Variants in INPPL1 observed in about 807,000 individuals in gnomAD.
The protein encoded by INPPL1 is inositol polyphosphate phosphatase like 1, also known as phosphatidylinositol 3,4,5-trisphosphate 5-phosphatase 2.
INPPL1 carries 91 observed loss-of-function variants against 139.3 expected under a neutral mutation model. That is an observed-to-expected ratio of 0.65 (90% CI 0.55 to 0.78). INPPL1 has a LOEUF of 0.78. INPPL1 is among the 30% of genes least tolerant of loss of function. The pLI is 0.00. For missense variants in INPPL1, 1,411 were observed against 1,665.6 expected (o/e 0.85, Z 2.66); for synonymous variants, 719 against 686.6 (o/e 1.05, Z -0.74).
chr11:72,232,294 T>C lies in INPPL1; in HGVS notation c.1670T>C (p.Phe557Ser). 1.3e-6 allele frequency: 2 copies of C among 1,555,650 alleles called. No homozygotes were observed. The highest frequency in any genetic ancestry group is 1.7e-6 in the Non-Finnish European group (2 of 1,148,894). Residue 557 changes from phenylalanine (F) to serine (S), a missense_variant, in exon 14 of 28, where the codon TTT (phenylalanine) becomes TCT (serine). By Grantham distance (155) the Phe-to-Ser change is radical (BLOSUM62 -2). Around this residue, in one of 5 missense-constraint regions of INPPL1, gnomAD observed 363 missense variants for 446.2 expected, o/e 0.81. Transcript: ENST00000298229. Reference protein sequence around the residue: ...SFMFNGTSFGFVNCHLTSGNE... With the variant: ...SFMFNGTSFGSVNCHLTSGNE... ...ATGTTTAATGGCACCTCATTTGGCT[T>C]TGTGAATTGTCACCTCACCTCGGGA... is the stretch of plus-strand genomic sequence containing the variant.
At chr11:72,231,438 AG>A in intron 12 of INPPL1, 59 bp from the exon 13 acceptor site, 1 of 1,296,992 alleles carries the variant, frequency 7.7e-7, no homozygotes. Context: ...TTTATAGTGC[AG>A]GGGGAAATGC....
Position 72,233,155 on chromosome 11 carries a change from C to G in INPPL1, c.2032C>G (p.Pro678Ala). 1 of 1,613,664 alleles carries G rather than the reference C, an allele frequency of 6.2e-7. No individual in the cohort carries two copies. The highest frequency in any genetic ancestry group is 2.2e-5 in the East Asian group (1 of 44,862). The change falls in exon 17 of 28, where the codon CCA becomes GCA. Residue 678 changes from proline (P) to alanine (A), a missense_variant. Transcript: ENST00000298229. ...CACATATGCCTGGCACAAGCAGAAG[C>G]CAACTGGGGTGAGCCAAGAAAACGG... ...RDTYAWHKQK[P>A]TGVRTNVPSW...
rs552988754 is a variant in INPPL1 at position 72,227,147 on chromosome 11, C to T, written c.183-1043C>T. 7.9e-5 allele frequency among the ~76,000 whole-genome samples: 12 copies of T among 152,330 alleles called. No homozygotes were observed. The East Asian group carries it at 1.5e-3, about 20-fold the overall frequency. On this transcript the variant is annotated intron_variant, in intron 1 of 27. Transcript: ENST00000298229. The stretch of plus-strand genomic sequence containing the variant: ...AGACACGCCCCTGCCCCAGCAGGCA[C>T]AGGCAATCTGACCAGCAAGCTAGGA...
Position 72,228,551 on chromosome 11 carries a change from GC to G in INPPL1, c.397+55del. 1 of 1,587,756 alleles carries G rather than the reference GC, an allele frequency of 6.3e-7. No homozygotes were observed. Among genetic ancestry groups the G allele is most frequent in the East Asian group, 2.2e-5 (1 of 44,674 alleles). ...CTGCCCCTGTCCCTTGGCTCTACCT[GC>G]CTCTTCCCATCCCCCCTTCTCAACC... On this transcript the variant is annotated intron_variant, in intron 3 of 27. Transcript: ENST00000298229. The surrounding 1 kb of genome is among the most constrained non-coding windows in gnomAD (Gnocchi z 5.0).
chr11:72,233,491 C>T lies in INPPL1; in HGVS notation c.2091C>T (p.Tyr697=), dbSNP rs1481462612. The part of the protein sequence containing the change: ...SWCDRILWKS[Y]PETHIICNSY... ...GTGACCGGATTCTGTGGAAATCCTA[C>T]CCTGAAACTCACATCATCTGCAATT... Residue 697 remains tyrosine, a synonymous_variant, in exon 18 of 28, where the codon TAC becomes TAT. Transcript: ENST00000298229. The T allele has an allele frequency of 1.2e-6, 2 of 1,614,032 alleles. No individual in the cohort carries two copies. The highest frequency in any genetic ancestry group is 1.7e-6 in the Non-Finnish European group (2 of 1,180,030).
Position 72,234,383 on chromosome 11 carries a change from C to T in INPPL1, c.2315C>T (p.Thr772Ile), listed in dbSNP as rs1349002555. Residue 772 changes from threonine to isoleucine, a missense_variant, in exon 20 of 28, where the codon ACC (threonine) becomes ATC (isoleucine). Transcript: ENST00000298229. The surrounding 1 kb of genome is among the most constrained non-coding windows in gnomAD (Gnocchi z 4.2). ...RTKFFIEFYS[T>I]CLEEYKKSFE... ...AAGTTCTTCATCGAGTTCTACTCTA[C>T]CTGCCTGGAGGGTCAGAGGCGTGGC... 1.9e-6 allele frequency: 3 copies of T among 1,613,998 alleles called. No homozygotes were observed. The highest frequency in any genetic ancestry group is 2.2e-5 in the East Asian group (1 of 44,868).
At position 72,232,656 on chromosome 11, in the gene INPPL1, G is replaced by T; in HGVS notation, c.1743G>T (p.Arg581=). ...RRNQNYLDIL[R]LLSLGDRQLN... ...ACCAAAACTACTTGGACATCCTGCG[G>T]CTGCTCTCGCTGGGCGACCGGCAGC... The change falls in exon 15 of 28, where the codon CGG becomes CGT. Residue 581 remains arginine (R), a synonymous_variant. Transcript: ENST00000298229. 1 of 1,613,860 alleles carries T rather than the reference G, an allele frequency of 6.2e-7. No homozygotes were observed.
At chr11:72,225,778 G>T (rs1948654348) in intron 1 of INPPL1, among the ~76,000 whole-genome samples, 1 of 152,174 alleles carries the variant, frequency 6.6e-6, no homozygotes, top group South Asian at 2.1e-4. Context: ...CTGGGCTTGA[G>T]CCCTGGTTAC....
intron 1 of INPPL1, among the ~76,000 whole-genome samples, chr11:72,226,790 C>G (rs1226068143): frequency 6.6e-6 from 1 of 152,232 alleles, no homozygotes; most frequent in Middle Eastern, 3.4e-3. Context: ...GAGGCATACC[C>G]CCTAATTAGG....
chr11:72,232,801 A>G, intron 15 of INPPL1, 37 bp downstream of exon 15: 1 of 1,613,722 alleles, frequency 6.2e-7, no homozygotes, highest in Non-Finnish European at 8.5e-7. Flanking sequence ...TAGGGAGGCT[A>G]AGGGCCACAT....
rs1344763217 is a variant in INPPL1, at chr11:72,235,475, G to A, written c.2659+24G>A. 6.2e-6 allele frequency: 10 copies of A among 1,608,542 alleles called. No individual in the cohort carries two copies. The highest frequency in any genetic ancestry group is 7.6e-6 in the Non-Finnish European group (9 of 1,178,932). On this transcript the variant is annotated intron_variant, in intron 23 of 27. Coordinates refer to ENST00000298229, the MANE Select transcript of INPPL1 (RefSeq NM_001567.4). The surrounding 1 kb of genome is among the most constrained non-coding windows in gnomAD (Gnocchi z 4.9). Reference sequence around the variant, plus strand: ...CGGTGGGGACTCCACTGGGACATGAGATAGGGTGGTGTGAACAGATCAAGG... The same window carrying A: ...CGGTGGGGACTCCACTGGGACATGAAATAGGGTGGTGTGAACAGATCAAGG...
intron 25 of INPPL1, 87 bp from the exon 26 acceptor site, chr11:72,237,037 C>G: frequency 1.6e-6 from 2 of 1,253,294 alleles, no homozygotes; most frequent in Non-Finnish European, 2.2e-6. Context: ...GACTTTCTGA[C>G]TCCCGTCTAG....
In INPPL1 at chr11:72,237,108, C is replaced by T. The variant is rs35437876; in HGVS notation, c.2880-16C>T. ...GTTCCTGGATCCTGGCTTAGTCGTT[C>T]TGCTTCCACACCCAGGTTGAAGCCA... On this transcript the variant is annotated splice_polypyrimidine_tract_variant and intron_variant, in intron 25 of 27. Transcript: ENST00000298229. 7.4e-3 allele frequency: 11,466 copies of T among 1,559,060 alleles called. 65 individuals are homozygous for T. Among genetic ancestry groups the T allele is most frequent in the Middle Eastern group, 0.013 (77 of 5,746 alleles).
chr11:72,235,508 G>A lies in INPPL1; in HGVS notation c.2659+57G>A. ...GGTGTGAACAGATCAAGGAGGGCAG[G>A]GTGCGGGGGGCATGTTGGAATCTCT... On this transcript the variant is annotated intron_variant, in intron 23 of 27. Coordinates refer to ENST00000298229, the MANE Select transcript of INPPL1 (RefSeq NM_001567.4). The surrounding 1 kb of genome is among the most constrained non-coding windows in gnomAD (Gnocchi z 4.9). 3 of 1,584,350 alleles carry A rather than the reference G, an allele frequency of 1.9e-6. No individual in the cohort carries two copies. Among genetic ancestry groups the A allele is most frequent in the East Asian group, 4.5e-5 (2 of 44,728 alleles).
In INPPL1 at chr11:72,237,107, T is replaced by G; in HGVS notation, c.2880-17T>G. ...GGTTCCTGGATCCTGGCTTAGTCGTTCTGCTTCCACACCCAGGTTGAAGCC... is the reference window on the plus strand; with the variant it reads ...GGTTCCTGGATCCTGGCTTAGTCGTGCTGCTTCCACACCCAGGTTGAAGCC... On this transcript the variant is annotated splice_polypyrimidine_tract_variant and intron_variant, in intron 25 of 27. Transcript: ENST00000298229. The G allele has an allele frequency of 6.4e-7, 1 of 1,558,602 alleles. No homozygotes were observed.
At position 72,225,056 on chromosome 11, in the gene INPPL1, C is replaced by G. The variant is rs1948629365; in HGVS notation, c.72C>G (p.Arg24=). ...LGSQAPSWYH[R]DLSRAAAEEL... is the part of the protein sequence containing the mutation. ...GCCAGGCCCCCTCCTGGTACCACCG[C>G]GACCTGAGCCGGGCGGCCGCGGAGG... Residue 24 remains arginine, a synonymous_variant, in exon 1 of 28, where the codon CGC becomes CGG. Coordinates refer to ENST00000298229, the MANE Select transcript of INPPL1 (RefSeq NM_001567.4). 5 of 1,229,804 alleles carry G rather than the reference C, an allele frequency of 4.1e-6. No individual in the cohort carries two copies. The African/African-American group carries it at 7.8e-5, about 19-fold the overall frequency. 76.2% of individuals were successfully genotyped at this position (1,229,804 alleles called of 1,614,324 possible).
chr11:72,237,319 G>A lies in INPPL1; in HGVS notation c.3075G>A (p.Gln1025=). 2 of 1,613,944 alleles carry A rather than the reference G, an allele frequency of 1.2e-6. No individual in the cohort carries two copies. The highest frequency in any genetic ancestry group is 2.2e-5 in the South Asian group (2 of 91,066). Reference sequence around the variant, plus strand: ...TGGCCATTACAGTGCCTGCTCCACAGCTTGGGCACCACCGGCACCCTCGTG... The same window carrying A: ...TGGCCATTACAGTGCCTGCTCCACAACTTGGGCACCACCGGCACCCTCGTG... ...NKVAITVPAP[Q]LGHHRHPRVG... Residue 1025 remains glutamine (Q), a synonymous_variant, in exon 26 of 28, where the codon CAG becomes CAA. Coordinates refer to ENST00000298229, the MANE Select transcript of INPPL1 (RefSeq NM_001567.4).
Position 72,234,261 on chromosome 11 carries a change from TCTC to T in INPPL1, c.2213-15_2213-13del, listed in dbSNP as rs772948116. ...TGATCCTCTCAGTCCTCCTGTTTGT[TCTC>T]CTCCCTTTCTCCTCAGGGCTCTCAA... is the stretch of plus-strand genomic sequence containing the variant. On this transcript the variant is annotated splice_polypyrimidine_tract_variant and intron_variant, in intron 19 of 27. Coordinates refer to ENST00000298229, the MANE Select transcript of INPPL1 (RefSeq NM_001567.4). This position sits in a 1 kb window ranked among gnomAD's most constrained non-coding sequence, Gnocchi z 4.2. 4 of 1,560,912 alleles carry T rather than the reference TCTC, an allele frequency of 2.6e-6. No homozygotes were observed. Among genetic ancestry groups the T allele is most frequent in the South Asian group, 2.2e-5 (2 of 89,908 alleles).
chr11:72,226,669 G>A (rs577764608), intron 1 of INPPL1, among the ~76,000 whole-genome samples: 2 of 152,308 alleles, frequency 1.3e-5, no homozygotes, highest in Admixed American at 1.3e-4. Context: ...ACAAGGAAGG[G>A]GCCCTATAAG....
Sources: gnomAD v4.1 joint callset for allele counts (sites outside exome capture counted in the v4.1 genomes callset) on GRCh38, gnomAD v4.1.1 for gene constraint, gnomAD v4.1.1 regional missense constraint, Gnocchi (gnomAD v3.1) non-coding constraint, MANE v1.5 for transcripts, NCBI Gene and HGNC (gene_info 2026-07-23, HGNC 2026-07-21) for gene names.